Variants in ADAMTS19 observed in about 807,000 individuals in gnomAD.
ADAMTS19 encodes ADAM metallopeptidase with thrombospondin type 1 motif 19.
ADAMTS19 carries 93 observed loss-of-function variants against 153.3 expected under a neutral mutation model. That is an observed-to-expected ratio of 0.61 (90% CI 0.51 to 0.72). ADAMTS19 has a LOEUF of 0.72. ADAMTS19 is among the 30% of genes least tolerant of loss of function. The pLI is 0.00. For synonymous variants in ADAMTS19, 600 were observed against 556.6 expected, an observed-to-expected ratio of 1.08 and a Z score of -1.10; for missense variants, 1,482 against 1,552.1, an observed-to-expected ratio of 0.95 and a Z score of 0.76.
At chr5:129,466,470 C>G (rs1442338402) in intron 2 of ADAMTS19, among the ~76,000 whole-genome samples, 1 of 151,398 alleles carries the variant, frequency 6.6e-6, no homozygotes, top group Admixed American at 6.6e-5. Flanking sequence ...AAAATAGGAA[C>G]AAACTGCTAT....
At chr5:129,666,531 T>C (rs927000353) in intron 16 of ADAMTS19, among the ~76,000 whole-genome samples, 8 of 152,152 alleles carry the variant, frequency 5.3e-5, no homozygotes, top group Non-Finnish European at 1.0e-4. Flanking sequence ...TACTCTGCAG[T>C]ATCAAAAATA....
At chr5:129,603,900 G>A (rs1750776650) in intron 8 of ADAMTS19, among the ~76,000 whole-genome samples, 1 of 152,178 alleles carries the variant, frequency 6.6e-6, no homozygotes, top group Non-Finnish European at 1.5e-5. Flanking sequence ...GAGAAACATG[G>A]AAGAGTTCTT....
intron 3 of ADAMTS19, among the ~76,000 whole-genome samples, chr5:129,520,437 T>C (rs1302815448): frequency 1.3e-5 from 2 of 152,150 alleles, no homozygotes; most frequent in African/African-American, 4.8e-5. Context: ...GACACATAAA[T>C]ATGAGTAACG....
chr5:129,592,487 T>C (rs1444575315), intron 7 of ADAMTS19, among the ~76,000 whole-genome samples: 1 of 151,814 alleles, frequency 6.6e-6, no homozygotes, highest in Non-Finnish European at 1.5e-5. Flanking sequence ...CTTATTATAA[T>C]AACACACGTG....
chr5:129,676,026 C>T (rs1439071253), intron 16 of ADAMTS19, among the ~76,000 whole-genome samples: 1 of 152,042 alleles, frequency 6.6e-6, no homozygotes, highest in African/African-American at 2.4e-5. Flanking sequence ...CAGAGTGAGA[C>T]TCCATCTCAG....
chr5:129,675,926 G>A (rs1421797840), intron 16 of ADAMTS19, among the ~76,000 whole-genome samples: 1 of 152,114 alleles, frequency 6.6e-6, no homozygotes, highest in Admixed American at 6.6e-5. Flanking sequence ...TACTCAGGAG[G>A]CTGAGGCAGG....
At chr5:129,643,845 G>A (rs1752936547) in intron 11 of ADAMTS19, among the ~76,000 whole-genome samples, 1 of 152,046 alleles carries the variant, frequency 6.6e-6, no homozygotes, top group Non-Finnish European at 1.5e-5. Context: ...TCCTGATATT[G>A]TGCTAATTTA....
At chr5:129,570,187 T>G (rs1211830132) in intron 7 of ADAMTS19, among the ~76,000 whole-genome samples, 1 of 151,770 alleles carries the variant, frequency 6.6e-6, no homozygotes, top group African/African-American at 2.4e-5. Flanking sequence ...CTAGCAAGTA[T>G]GACAAAGAAA....
At chr5:129,537,790 G>T (rs551281246) in intron 6 of ADAMTS19, among the ~76,000 whole-genome samples, 8 of 152,014 alleles carry the variant, frequency 5.3e-5, no homozygotes, top group South Asian at 4.1e-4. Context: ...ATGGGGGAAG[G>T]GGGGAGGGAT....
chr5:129,520,982 A>G (rs1751780719), intron 3 of ADAMTS19, among the ~76,000 whole-genome samples: 1 of 152,026 alleles, frequency 6.6e-6, no homozygotes, highest in South Asian at 2.1e-4. Context: ...CACTGTAGTG[A>G]TATATTTTAT....
At chr5:129,532,949 A>G (rs185169644) in intron 6 of ADAMTS19, among the ~76,000 whole-genome samples, 149 of 152,246 alleles carry the variant, frequency 9.8e-4, no homozygotes, top group Non-Finnish European at 1.8e-3. Flanking sequence ...CCAAAAATAC[A>G]AAAGTTAGGC....
At chr5:129,541,604 C>T (rs1309091895) in intron 6 of ADAMTS19, among the ~76,000 whole-genome samples, 5 of 151,986 alleles carry the variant, frequency 3.3e-5, no homozygotes, top group African/African-American at 1.2e-4. Flanking sequence ...AATATAACTC[C>T]CCAGACTTCT....
chr5:129,717,026 T>C (rs1756761261), intron 21 of ADAMTS19, among the ~76,000 whole-genome samples: 1 of 152,240 alleles, frequency 6.6e-6, no homozygotes, highest in African/African-American at 2.4e-5. Flanking sequence ...TTGCCTACAA[T>C]TTGTTTCTTC....
At position 129,711,104 on chromosome 5, in the gene ADAMTS19, A is replaced by G. The variant is rs78143883; in HGVS notation, c.3312+6713A>G. Reference sequence around the variant, plus strand: ...GAATTTGTATAGCTTCCTAGTTTTAACATAACTAAATGAAGCAGGCTATTA... The same window carrying G: ...GAATTTGTATAGCTTCCTAGTTTTAGCATAACTAAATGAAGCAGGCTATTA... On this transcript the variant is annotated intron_variant, in intron 21 of 22. Transcript: ENST00000274487. 1.3e-3 allele frequency among the ~76,000 whole-genome samples: 205 copies of G among 152,304 alleles called. 1 individual carries two copies. The East Asian group carries it at 0.023, about 17-fold the overall frequency.
At position 129,466,069 on chromosome 5, in the gene ADAMTS19, T is replaced by G. The variant is rs1257800832; in HGVS notation, c.747+4312T>G. 5.9e-5 allele frequency among the ~76,000 whole-genome samples: 9 copies of G among 152,298 alleles called. No individual in the cohort carries two copies. In the East Asian group the frequency reaches 1.7e-3, roughly 29 times the overall value. Reference sequence around the variant, plus strand: ...GGATTTCTTTTTTCTGTTATCCCATTCTGCCAAGCACCGGAAGCCACATAT... The same window carrying G: ...GGATTTCTTTTTTCTGTTATCCCATGCTGCCAAGCACCGGAAGCCACATAT... On this transcript the variant is annotated intron_variant, in intron 2 of 22. Coordinates refer to ENST00000274487, the MANE Select transcript of ADAMTS19 (RefSeq NM_133638.6).
intron 8 of ADAMTS19, among the ~76,000 whole-genome samples, chr5:129,598,010 G>T (rs1214616218): frequency 6.6e-6 from 1 of 152,126 alleles, no homozygotes; most frequent in Non-Finnish European, 1.5e-5. Context: ...CAGTACAAAT[G>T]AAAGTATTTT....
chr5:129,680,063 T>G (rs1158187649), intron 17 of ADAMTS19, 142 bp downstream of exon 17: 1 of 950,920 alleles, frequency 1.1e-6, no homozygotes, highest in East Asian at 2.9e-5. Context: ...TTTTTAGAGG[T>G]TTTGTAAAAT....
At chr5:129,709,532 TA>T (rs562188694) in intron 21 of ADAMTS19, among the ~76,000 whole-genome samples, 2 of 152,106 alleles carry the variant, frequency 1.3e-5, no homozygotes, top group Non-Finnish European at 2.9e-5. Context: ...TCTAATTGTT[TA>T]AAAAAGTTCA....
chr5:129,562,512 T>C (rs918634205), intron 7 of ADAMTS19, among the ~76,000 whole-genome samples: 3 of 152,188 alleles, frequency 2.0e-5, no homozygotes, highest in South Asian at 2.1e-4. Flanking sequence ...TGAAAAGGTC[T>C]TAGAAGACCC....
Sources: gnomAD v4.1 joint callset for allele counts (sites outside exome capture counted in the v4.1 genomes callset) on GRCh38, gnomAD v4.1.1 for gene constraint, MANE v1.5 for transcripts, NCBI Gene and HGNC (gene_info 2026-07-23, HGNC 2026-07-21) for gene names.